RAP1A: variants seen among roughly 807,000 people sequenced by gnomAD.
RAP1A encodes RAP1A, member of RAS oncogene family, also known as ras-related protein Rap-1A.
In RAP1A, 6 loss-of-function variants were observed where a neutral mutation model predicts 26.4. That is an observed-to-expected ratio of 0.23 (90% CI 0.12 to 0.45). RAP1A has a LOEUF of 0.45. Among genes scored for constraint, RAP1A ranks in the 20% least tolerant of loss-of-function variants. The pLI is 0.99. For synonymous variants in RAP1A, 73 were observed against 79.4 expected, an observed-to-expected ratio of 0.92 and a Z score of 0.43; for missense variants, 121 against 217.2, an observed-to-expected ratio of 0.56 and a Z score of 2.78.
intron 1 of RAP1A, among the ~76,000 whole-genome samples, chr1:111,559,251 TAATC>T (rs752894329): frequency 6.6e-6 from 1 of 152,082 alleles, no homozygotes; most frequent in Non-Finnish European, 1.5e-5. Flanking sequence ...ATTAATAAGA[TAATC>T]AACTAACACA....
intron 1 of RAP1A, among the ~76,000 whole-genome samples, chr1:111,557,427 G>A (rs752453100): frequency 2.6e-5 from 4 of 151,952 alleles, no homozygotes; most frequent in Non-Finnish European, 5.9e-5. Context: ...GGACCCGCCT[G>A]TAGTCCCAGC....
intron 1 of RAP1A, among the ~76,000 whole-genome samples, chr1:111,635,613 G>T (rs1659704003): frequency 1.3e-5 from 2 of 152,088 alleles, no homozygotes; most frequent in Admixed American, 1.3e-4. Flanking sequence ...CGCCCAGGGT[G>T]GAGTTCAGTG....
chr1:111,619,985 C>G, intron 1 of RAP1A, 51 bp downstream of exon 1: 1 of 396,654 alleles, frequency 2.5e-6, no homozygotes. Flanking sequence ...GCGGGGGGCG[C>G]GGGTCGGCCG....
chr1:111,640,025 C>G (rs1166938158), intron 1 of RAP1A, among the ~76,000 whole-genome samples: 1 of 152,222 alleles, frequency 6.6e-6, no homozygotes, highest in Non-Finnish European at 1.5e-5. Flanking sequence ...TGAATGTACA[C>G]AAAACTGAGT....
intron 1 of RAP1A, among the ~76,000 whole-genome samples, chr1:111,626,096 ATG>A (rs1168848878): frequency 2.6e-5 from 4 of 152,184 alleles, no homozygotes; most frequent in African/African-American, 9.6e-5. Flanking sequence ...ACAGCCTGTC[ATG>A]TGTTTTATAA....
At chr1:111,710,399 G>A (rs1019121838) in intron 7 of RAP1A, among the ~76,000 whole-genome samples, 1 of 152,086 alleles carries the variant, frequency 6.6e-6, no homozygotes, top group African/African-American at 2.4e-5. Flanking sequence ...AATTTGTATT[G>A]TATTTAAATC....
At chr1:111,655,518 A>G (rs1056414518) in intron 1 of RAP1A, among the ~76,000 whole-genome samples, 2 of 152,122 alleles carry the variant, frequency 1.3e-5, no homozygotes, top group Non-Finnish European at 2.9e-5. Context: ...TAAAATTTTG[A>G]TAATACAGTT....
intron 1 of RAP1A, among the ~76,000 whole-genome samples, chr1:111,579,844 C>G (rs972411857): frequency 2.0e-5 from 3 of 152,072 alleles, no homozygotes; most frequent in East Asian, 3.9e-4. Flanking sequence ...TAGTCCTGCT[C>G]TGTCGCCCAG....
At chr1:111,580,566 T>C (rs1396656560) in intron 1 of RAP1A, among the ~76,000 whole-genome samples, 2 of 152,132 alleles carry the variant, frequency 1.3e-5, no homozygotes, top group African/African-American at 4.8e-5. Context: ...AGAGCCCTAG[T>C]TGCCGGGCGT....
At chr1:111,662,471 G>C (rs1172002027) in intron 1 of RAP1A, among the ~76,000 whole-genome samples, 2 of 151,478 alleles carry the variant, frequency 1.3e-5, no homozygotes, top group East Asian at 3.9e-4. Context: ...TCAAAACAAA[G>C]GTGTCTAGGG....
chr1:111,571,589 A>C (rs1658049962), intron 1 of RAP1A, among the ~76,000 whole-genome samples: 1 of 152,222 alleles, frequency 6.6e-6, no homozygotes. Flanking sequence ...CAAGAGACTA[A>C]AACTAAATAT....
intron 6 of RAP1A, among the ~76,000 whole-genome samples, chr1:111,705,378 C>T (rs1177954967): frequency 1.3e-5 from 2 of 152,086 alleles, no homozygotes; most frequent in Admixed American, 1.3e-4. Flanking sequence ...TTTTGCTATT[C>T]TCTCTGGCCT....
intron 1 of RAP1A, among the ~76,000 whole-genome samples, chr1:111,676,727 C>T (rs1474838163): frequency 6.6e-6 from 1 of 152,078 alleles, no homozygotes; most frequent in African/African-American, 2.4e-5. Context: ...CCCTGTGCCA[C>T]CACCACTGGC....
chr1:111,662,288 G>A (rs1471939235), intron 1 of RAP1A, among the ~76,000 whole-genome samples: 1 of 151,316 alleles, frequency 6.6e-6, no homozygotes, highest in Admixed American at 6.6e-5. Context: ...CCAGCTACTC[G>A]GGAGGCTGAG....
At chr1:111,688,903 C>T (rs931689361) in intron 1 of RAP1A, among the ~76,000 whole-genome samples, 4 of 150,292 alleles carry the variant, frequency 2.7e-5, no homozygotes, top group Admixed American at 6.7e-5. Flanking sequence ...GGGACAATCA[C>T]AGATCACTGC....
chr1:111,642,943 GTTA>G (rs1659941378), intron 1 of RAP1A, among the ~76,000 whole-genome samples: 1 of 151,314 alleles, frequency 6.6e-6, no homozygotes, highest in Admixed American at 6.6e-5. Flanking sequence ...CTAATTTTTT[GTTA>G]TTATTAGTAG....
chr1:111,554,010 G>C (rs1470909492), intron 1 of RAP1A, among the ~76,000 whole-genome samples: 1 of 152,266 alleles, frequency 6.6e-6, no homozygotes, highest in Non-Finnish European at 1.5e-5. Context: ...GCACAAAGCA[G>C]AAATGGAATG....
At chr1:111,606,713 TA>T (rs1399482836) in intron 1 of RAP1A, among the ~76,000 whole-genome samples, 11 of 152,228 alleles carry the variant, frequency 7.2e-5, no homozygotes, top group Admixed American at 4.6e-4. Context: ...TGATGTGTAA[TA>T]AATCTGTGTG....
intron 1 of RAP1A, among the ~76,000 whole-genome samples, chr1:111,657,940 T>G (rs529546020): frequency 1.8e-4 from 27 of 152,220 alleles, no homozygotes; most frequent in Admixed American, 3.9e-4. Flanking sequence ...GATCTTTCTG[T>G]TACTGGTTTC....
Sources: allele counts gnomAD v4.1 joint callset (sites outside exome capture counted in the v4.1 genomes callset), GRCh38; gene constraint gnomAD v4.1.1; transcripts MANE v1.5; gene names NCBI Gene and HGNC (gene_info 2026-07-23, HGNC 2026-07-21).